Variants in TNS1 observed in about 807,000 individuals in gnomAD.
TNS1 encodes tensin-1.
TNS1 carries 62 observed loss-of-function variants against 168.6 expected under a neutral mutation model. That is an observed-to-expected ratio of 0.37 (90% confidence interval 0.30 to 0.45). The LOEUF is 0.45. Among genes scored for constraint, TNS1 ranks in the 20% least tolerant of loss-of-function variants. TNS1 has a pLI of 1.00. For missense variants in TNS1, 2,240 were observed against 2,339.4 expected (o/e 0.96, Z 0.88); for synonymous variants, 934 against 933.2 (o/e 1.00, Z -0.02).
chr2:217,873,196 C>T (rs938565431), intron 18 of TNS1, among the ~76,000 whole-genome samples: 132 of 152,302 alleles, frequency 8.7e-4, no homozygotes, highest in African/African-American at 2.7e-3. Flanking sequence ...TATATCTATA[C>T]AGCTATTAAG....
chr2:217,829,702 T>C (rs1369723893), intron 22 of TNS1: 3 of 924,448 alleles, frequency 3.2e-6, no homozygotes, highest in Admixed American at 3.9e-5. Context: ...TCACCAAGCG[T>C]TGGGGGACAG....
chr2:217,977,812 T>G (rs781505531), intron 3 of TNS1, among the ~76,000 whole-genome samples: 4 of 152,188 alleles, frequency 2.6e-5, no homozygotes, highest in Non-Finnish European at 5.9e-5. Context: ...TGGAAGCATC[T>G]TCTCCTTCTA....
At chr2:217,902,610 C>T (rs972712128) in intron 6 of TNS1, among the ~76,000 whole-genome samples, 1 of 152,138 alleles carries the variant, frequency 6.6e-6, no homozygotes, top group Non-Finnish European at 1.5e-5. Flanking sequence ...TCCTCAGCCT[C>T]CCCACCCCAA....
chr2:217,836,384 C>T (rs893410742), intron 19 of TNS1, among the ~76,000 whole-genome samples, 173 bp from the exon 20 acceptor site: 13 of 152,196 alleles, frequency 8.5e-5, no homozygotes, highest in Admixed American at 7.8e-4. Context: ...TCTGTTCACA[C>T]CCCAGGTTTT....
intron 18 of TNS1, among the ~76,000 whole-genome samples, chr2:217,870,483 T>G (rs1949677712): frequency 6.6e-6 from 1 of 152,198 alleles, no homozygotes; most frequent in Non-Finnish European, 1.5e-5. Flanking sequence ...TGGATATAAT[T>G]AGAGTCGGTA....
At chr2:217,978,909 A>AGGAGGGAAGGAGGGAC (rs1243483968) in intron 2 of TNS1, 107 bp from the exon 3 acceptor site, 37 of 677,968 alleles carry the variant, frequency 5.5e-5, no homozygotes, top group Middle Eastern at 4.8e-4. Context: ...TCGGGAAGGA[A>AGGAGGGAAGGAGGGAC]GGAGGGAAGG....
chr2:217,848,724 A>G lies in TNS1; in HGVS notation c.1793T>C (p.Val598Ala), dbSNP rs372920358. 1.2e-6 allele frequency: 2 copies of G among 1,614,100 alleles called. No individual in the cohort carries two copies. Among genetic ancestry groups the G allele is most frequent in the South Asian group, 1.1e-5 (1 of 91,092 alleles). The change falls in exon 19 of 33, where the codon GTG becomes GCG. Residue 598 changes from valine to alanine, a missense_variant. By Grantham distance (64) the Val-to-Ala change is moderately conservative (BLOSUM62 0). Coordinates refer to ENST00000682258, the MANE Select transcript of TNS1 (RefSeq NM_001387777.1). ...LRSRPAGGSA[V>A]PSSGRHVVPA... ...GACAACGTGGCGTCCAGAGGAGGGC[A>G]CAGCCGAGCCCCCTGCTGGGCGGGA...
chr2:217,932,034 C>T (rs1271102253), intron 3 of TNS1, among the ~76,000 whole-genome samples: 2 of 152,200 alleles, frequency 1.3e-5, no homozygotes, highest in Non-Finnish European at 2.9e-5. Flanking sequence ...CATCCCACAT[C>T]CTCAAAGCTG....
Position 217,812,387 on chromosome 2 carries a change from C to T in TNS1, c.5013G>A (p.Lys1671=), listed in dbSNP as rs1332406761. The change falls in exon 28 of 33, where the codon AAG becomes AAA. Residue 1671 remains lysine (K), a synonymous_variant. Coordinates refer to ENST00000682258, the MANE Select transcript of TNS1 (RefSeq NM_001387777.1). ...TCCTACCTCGGTTTGGAATGACCAG[C>T]TTGCAAGGCAGGGCCAATGGGATGA... ...HSIIPLALPC[K]LVIPNRDPTD... is the part of the protein sequence containing the mutation. 6.2e-7 allele frequency: 1 copy of T among 1,613,994 alleles called. No individual in the cohort carries two copies. Among genetic ancestry groups the T allele is most frequent in the Non-Finnish European group, 8.5e-7 (1 of 1,180,034 alleles).
At chr2:217,927,267 G>A (rs1165641019) in intron 3 of TNS1, among the ~76,000 whole-genome samples, 2 of 152,228 alleles carry the variant, frequency 1.3e-5, no homozygotes, top group Non-Finnish European at 2.9e-5. Flanking sequence ...AGAACCACAA[G>A]AAGCCCCCCT....
upstream of TNS1, among the ~76,000 whole-genome samples, chr2:218,006,595 G>T (rs1958659131): frequency 6.6e-6 from 1 of 152,142 alleles, no homozygotes; most frequent in Non-Finnish European, 1.5e-5. Flanking sequence ...AACAGCCTTT[G>T]GGGGTCACCT....
At chr2:217,955,875 T>C (rs895554221) in intron 3 of TNS1, among the ~76,000 whole-genome samples, 39 of 152,306 alleles carry the variant, frequency 2.6e-4, no homozygotes, top group African/African-American at 8.9e-4. Flanking sequence ...AAAAAACTCA[T>C]GTTCATTACA....
intron 4 of TNS1, among the ~76,000 whole-genome samples, chr2:217,913,128 G>C (rs909043984): frequency 6.6e-6 from 1 of 152,170 alleles, no homozygotes; most frequent in Non-Finnish European, 1.5e-5. Context: ...AGATGGGGCT[G>C]GCAGAGGATG....
intron 23 of TNS1, among the ~76,000 whole-genome samples, chr2:217,820,582 A>C (rs1942681089): frequency 6.6e-6 from 1 of 152,090 alleles, no homozygotes; most frequent in African/African-American, 2.4e-5. Flanking sequence ...GCTCTGTGAC[A>C]TCCCAGGCTA....
At chr2:217,873,741 G>A (rs924596025) in intron 18 of TNS1, among the ~76,000 whole-genome samples, 1 of 152,124 alleles carries the variant, frequency 6.6e-6, no homozygotes, top group Non-Finnish European at 1.5e-5. Context: ...AGACTTTTGG[G>A]CAGTTGGACA....
Position 217,813,563 on chromosome 2 carries a change from C to A in TNS1, c.4861+122G>T. The A allele has an allele frequency of 7.0e-7, 1 of 1,422,522 alleles. No individual in the cohort carries two copies. Among genetic ancestry groups the A allele is most frequent in the Non-Finnish European group, 9.5e-7 (1 of 1,053,442 alleles). The allele number at this position is 1,422,522 out of a possible 1,614,324, so 88.1% of individuals were successfully genotyped here. A position where few individuals can be genotyped will look rare whatever the true frequency, so the allele number is the denominator to read the frequency against. Reference sequence around the variant, plus strand: ...ACCATCACCAAGCCCAAGACACCCTCTTCCGAAGAGCCTGATGGGAGTTAA... The same window carrying A: ...ACCATCACCAAGCCCAAGACACCCTATTCCGAAGAGCCTGATGGGAGTTAA... On this transcript the variant is annotated intron_variant, in intron 26 of 32. Transcript: ENST00000682258. The surrounding 1 kb of genome is among the most constrained non-coding windows in gnomAD (Gnocchi z 4.0).
chr2:218,001,166 AT>A (rs68027827), intron 1 of TNS1, among the ~76,000 whole-genome samples: 22,674 of 151,614 alleles, frequency 0.15, 2,076 homozygotes, highest in South Asian at 0.23. Flanking sequence ...TAAAAAAAAA[AT>A]GAATAAATAA....
intron 4 of TNS1, among the ~76,000 whole-genome samples, chr2:217,917,711 G>A (rs1575072827): frequency 6.6e-6 from 1 of 151,582 alleles, no homozygotes; most frequent in Non-Finnish European, 1.5e-5. Context: ...TGCGCCTGTA[G>A]TCCCAGCTAC....
chr2:218,003,908 G>T (rs1202614604), upstream of TNS1, among the ~76,000 whole-genome samples: 2 of 151,996 alleles, frequency 1.3e-5, no homozygotes, highest in Non-Finnish European at 2.9e-5. Flanking sequence ...TCTGCCCAGG[G>T]ACAATTGTTG....
Sources: gnomAD v4.1 joint callset for allele counts (sites outside exome capture counted in the v4.1 genomes callset) on GRCh38, gnomAD v4.1.1 for gene constraint, Gnocchi (gnomAD v3.1) non-coding constraint, MANE v1.5 for transcripts, NCBI Gene and HGNC (gene_info 2026-07-23, HGNC 2026-07-21) for gene names.